DPP6: variants seen among roughly 807,000 people sequenced by gnomAD.
DPP6 encodes dipeptidyl peptidase like 6, also known as A-type potassium channel modulatory protein DPP6.
DPP6 carries 69 observed loss-of-function variants against 122.6 expected under a neutral mutation model. The ratio of observed to expected loss-of-function variants is 0.56; its 90% CI spans 0.46 to 0.69. The LOEUF is 0.69. Ranked by LOEUF, DPP6 falls within the 30% of genes least tolerant of loss-of-function variation. The pLI is 0.00. For synonymous variants in DPP6, 418 were observed against 433.1 expected, an observed-to-expected ratio of 0.97 and a Z score of 0.43; for missense variants, 928 against 1,116.9, an observed-to-expected ratio of 0.83 and a Z score of 2.41.
chr7:154,703,655 A>T (rs1424925563), intron 7 of DPP6, among the ~76,000 whole-genome samples: 2 of 151,266 alleles, frequency 1.3e-5, no homozygotes, highest in African/African-American at 2.4e-5. Context: ...TACATTTCAT[A>T]GGCTGGGCAT....
At chr7:154,750,204 T>C (rs958854240) in intron 8 of DPP6, among the ~76,000 whole-genome samples, 131 of 152,274 alleles carry the variant, frequency 8.6e-4, no homozygotes, top group African/African-American at 3.1e-3. Context: ...CTCCATCCAA[T>C]CTGAAAGGCC....
At chr7:154,883,525 C>T (rs1358648800) in intron 21 of DPP6, 1 of 71,956 alleles carries the variant, frequency 1.4e-5, no homozygotes, top group African/African-American at 5.6e-5. Flanking sequence ...TACACATGCT[C>T]ACACACGCTC....
chr7:154,519,369 A>C (rs1306019821), intron 3 of DPP6, among the ~76,000 whole-genome samples: 1 of 152,210 alleles, frequency 6.6e-6, no homozygotes, highest in South Asian at 2.1e-4. Flanking sequence ...ATTCTGCCTA[A>C]GGCAGAGGGA....
chr7:154,713,085 C>T (rs775690856), intron 7 of DPP6, among the ~76,000 whole-genome samples: 2 of 152,250 alleles, frequency 1.3e-5, no homozygotes, highest in African/African-American at 2.4e-5. Flanking sequence ...AAAGAGGCTG[C>T]AAGCCCCATG....
At chr7:153,755,505 C>T in the DPP6 span, among the ~76,000 whole-genome samples, 1 of 150,306 alleles carries the variant, frequency 6.7e-6, no homozygotes. Flanking sequence ...CATGCCCTCC[C>T]TTTTTTGTCT....
At chr7:153,978,015 C>T (rs1251874279) in intron 1 of DPP6, among the ~76,000 whole-genome samples, 20 of 152,094 alleles carry the variant, frequency 1.3e-4, no homozygotes, top group East Asian at 1.9e-4. Flanking sequence ...AATAAATATA[C>T]GTGTGCATGT....
chr7:154,115,528 T>A (rs539648162), intron 1 of DPP6, among the ~76,000 whole-genome samples: 33 of 152,208 alleles, frequency 2.2e-4, no homozygotes, highest in Non-Finnish European at 4.0e-4. Context: ...CAGTGCAGAT[T>A]GGCTTACCTG....
chr7:154,147,708 C>CTA (rs1489928955), intron 1 of DPP6, among the ~76,000 whole-genome samples: 31 of 137,244 alleles, frequency 2.3e-4, no homozygotes, highest in African/African-American at 5.7e-4. Context: ...AAACACATAC[C>CTA]TATATATATA....
chr7:154,688,901 C>A (rs1359807016), intron 7 of DPP6, among the ~76,000 whole-genome samples: 2 of 152,192 alleles, frequency 1.3e-5, no homozygotes, highest in African/African-American at 4.8e-5. Context: ...TTAACCATCA[C>A]AGCTGGTTAA....
the DPP6 span, among the ~76,000 whole-genome samples, chr7:153,813,547 G>A: frequency 1.3e-5 from 2 of 152,122 alleles, no homozygotes; most frequent in Non-Finnish European, 2.9e-5. Flanking sequence ...ACCCAGTAAT[G>A]GGATGGCTGG....
At chr7:153,881,240 G>A in the DPP6 span, among the ~76,000 whole-genome samples, 67 of 152,326 alleles carry the variant, frequency 4.4e-4, no homozygotes, top group African/African-American at 1.5e-3. Context: ...AAAGGCAGCC[G>A]TGCCAATAAG....
At chr7:154,873,492 G>C (rs921070480) in intron 19 of DPP6, among the ~76,000 whole-genome samples, 1 of 152,160 alleles carries the variant, frequency 6.6e-6, no homozygotes, top group African/African-American at 2.4e-5. Flanking sequence ...GCTGTGTTAA[G>C]GATGCCAGTG....
At chr7:154,113,236 C>T (rs1273293518) in intron 1 of DPP6, among the ~76,000 whole-genome samples, 2 of 152,094 alleles carry the variant, frequency 1.3e-5, no homozygotes, top group African/African-American at 2.4e-5. Flanking sequence ...TGGATACGTA[C>T]CTGGAAATGA....
chr7:153,861,695 G>C, the DPP6 span, among the ~76,000 whole-genome samples: 3 of 152,268 alleles, frequency 2.0e-5, no homozygotes, highest in East Asian at 1.9e-4. Context: ...TAACCACCTA[G>C]TCAGGTAATG....
At chr7:154,506,764 G>A (rs1013788703) in intron 3 of DPP6, among the ~76,000 whole-genome samples, 6 of 152,114 alleles carry the variant, frequency 3.9e-5, no homozygotes, top group African/African-American at 1.4e-4. Context: ...ATTTATGATA[G>A]CAAAAGTCAG....
chr7:153,907,174 T>G (rs988969236), intron 1 of DPP6, among the ~76,000 whole-genome samples: 8 of 152,212 alleles, frequency 5.3e-5, no homozygotes, highest in African/African-American at 1.7e-4. Flanking sequence ...TGTTGTTTTT[T>G]TGACTTTCAA....
intron 1 of DPP6, among the ~76,000 whole-genome samples, chr7:154,249,728 T>C (rs1802228422): frequency 6.6e-6 from 1 of 152,098 alleles, no homozygotes; most frequent in Non-Finnish European, 1.5e-5. Context: ...CCCAGATGCA[T>C]TTCCATGTGA....
At chr7:154,190,997 C>T (rs1230544022) in intron 1 of DPP6, among the ~76,000 whole-genome samples, 1 of 152,070 alleles carries the variant, frequency 6.6e-6, no homozygotes, top group African/African-American at 2.4e-5. Context: ...AATAAATTCT[C>T]AGATTGGCTA....
At chr7:154,051,875 G>A (rs1299895501), upstream of DPP6, among the ~76,000 whole-genome samples, 2 of 151,088 alleles carry the variant, frequency 1.3e-5, no homozygotes, top group Non-Finnish European at 3.0e-5. Context: ...CACCAGCGTC[G>A]TCCGACCACC....
Sources: allele counts gnomAD v4.1 joint callset (sites outside exome capture counted in the v4.1 genomes callset), GRCh38; gene constraint gnomAD v4.1.1; transcripts MANE v1.5; gene names NCBI Gene and HGNC (gene_info 2026-07-23, HGNC 2026-07-21).